TENM1: variants seen among roughly 807,000 people sequenced by gnomAD.
The protein encoded by TENM1 is teneurin transmembrane protein 1, also known as teneurin-1.
Under a neutral mutation model 174.8 loss-of-function variants are expected in TENM1, and 35 were observed. The observed-to-expected ratio is 0.20, with a 90% CI of 0.15 to 0.27. The LOEUF is 0.27. Among genes scored for constraint, TENM1 ranks in the 10% least tolerant of loss-of-function variants. The pLI is 1.00. For missense variants in TENM1, 1,633 were observed against 2,130.1 expected, an observed-to-expected ratio of 0.77 and a Z score of 4.59; for synonymous variants, 781 against 798.7, an observed-to-expected ratio of 0.98 and a Z score of 0.37.
At chrX:124,795,201 T>C (rs891115545) in intron 3 of TENM1, among the ~76,000 whole-genome samples, 8 of 112,334 alleles carry the variant, frequency 7.1e-5, no homozygotes, top group Non-Finnish European at 1.1e-4. Context: ...CTCAAATATA[T>C]ACTGAATACA....
At chrX:124,881,435 A>G (rs374723926) in intron 3 of TENM1, among the ~76,000 whole-genome samples, 130 of 109,575 alleles carry the variant, frequency 1.2e-3, no homozygotes, top group African/African-American at 4.2e-3. Context: ...TTTTTGGTTA[A>G]TGGTTTATTG....
rs1177343517 is a variant in TENM1, at chrX:124,758,070, A to G, written c.536-20873T>C. Among the ~76,000 whole-genome samples the G allele has an allele frequency of 5.4e-5, 6 of 112,127 alleles. No homozygotes were observed. The East Asian group carries it at 1.7e-3, about 31-fold the overall frequency. Reference sequence around the variant, plus strand: ...AATCAAAAGAGTGAAAAGACAACCTATGAAATGGGAGAAAATATTTGCAAA... The same window carrying G: ...AATCAAAAGAGTGAAAAGACAACCTGTGAAATGGGAGAAAATATTTGCAAA... On this transcript the variant is annotated intron_variant, in intron 3 of 31. Transcript: ENST00000422452.
At chrX:124,692,535 T>C (rs370829383) in intron 5 of TENM1, among the ~76,000 whole-genome samples, 23 of 109,984 alleles carry the variant, frequency 2.1e-4, no homozygotes, top group African/African-American at 6.9e-4. Flanking sequence ...TACTATGTTT[T>C]TGTCCACCTG....
At chrX:124,894,374 T>C in intron 2 of TENM1, 22 bp from the exon 6 acceptor site, 3 of 1,137,839 alleles carry the variant, frequency 2.6e-6, no homozygotes, top group Non-Finnish European at 3.6e-6. Context: ...AACATTTCAC[T>C]AGTTAAGCCT....
At chrX:124,427,727 C>T (rs1569531116) in intron 23 of TENM1, among the ~76,000 whole-genome samples, 2 of 112,009 alleles carry the variant, frequency 1.8e-5, no homozygotes, top group Non-Finnish European at 1.9e-5. Context: ...GCCTTATGCT[C>T]ACACAACAGA....
At chrX:124,866,786 T>A (rs1006806345) in intron 3 of TENM1, among the ~76,000 whole-genome samples, 3 of 110,661 alleles carry the variant, frequency 2.7e-5, no homozygotes, top group African/African-American at 9.8e-5. Flanking sequence ...ACGATCCAAA[T>A]AAATAAAATC....
chrX:124,846,908 A>T (rs890086436), intron 3 of TENM1, among the ~76,000 whole-genome samples: 2 of 111,639 alleles, frequency 1.8e-5, no homozygotes, highest in African/African-American at 6.5e-5. Context: ...AGGAATTAAA[A>T]TTTTCATCAA....
At position 124,794,844 on chromosome X, in the gene TENM1, G is replaced by T. The variant is rs776418058; in HGVS notation, c.536-57647C>A. On this transcript the variant is annotated intron_variant, in intron 3 of 31. Transcript: ENST00000422452. ...AGTCTATCACATTTTTGACACACGG[G>T]TCTGGTTGCATTTCTTAGATGGGGT... Among the ~76,000 whole-genome samples the T allele has an allele frequency of 1.5e-4, 17 of 110,955 alleles. 1 individual carries two copies. The highest frequency in any genetic ancestry group is 5.6e-4 in the African/African-American group (17 of 30,569).
At chrX:125,060,726 G>A in the TENM1 span, among the ~76,000 whole-genome samples, 1 of 109,894 alleles carries the variant, frequency 9.1e-6, no homozygotes, top group African/African-American at 3.3e-5. Flanking sequence ...ATACTCACGA[G>A]GCAGCTTATA....
intron 11 of TENM1, among the ~76,000 whole-genome samples, chrX:124,584,866 A>C (rs1286074325): frequency 2.7e-5 from 3 of 110,498 alleles, no homozygotes; most frequent in Non-Finnish European, 5.7e-5. Context: ...GGAAAACAAA[A>C]AAAGGCAGGG....
rs113506631 is a variant in TENM1 at position 124,596,233 on chromosome X, T to C, written c.2078-30673A>G. 2.0e-3 allele frequency among the ~76,000 whole-genome samples: 222 copies of C among 112,349 alleles called. 1 individual carries two copies. Among genetic ancestry groups the C allele is most frequent in the African/African-American group, 6.8e-3 (210 of 31,045 alleles). Reference sequence around the variant, plus strand: ...GAGAAAAAAAAATTGTTTGCCTATATTTCTGTAAACCCCAAATATATGAGT... The same window carrying C: ...GAGAAAAAAAAATTGTTTGCCTATACTTCTGTAAACCCCAAATATATGAGT... On this transcript the variant is annotated intron_variant, in intron 11 of 31. Transcript: ENST00000422452.
chrX:124,879,490 G>A (rs1487634369), intron 3 of TENM1, among the ~76,000 whole-genome samples: 1 of 111,820 alleles, frequency 8.9e-6, no homozygotes, highest in Non-Finnish European at 1.9e-5. Context: ...TCATATATAT[G>A]TACCACATTT....
chrX:124,834,399 T>G (rs2147340654), intron 3 of TENM1, among the ~76,000 whole-genome samples: 1 of 111,980 alleles, frequency 8.9e-6, no homozygotes, highest in Admixed American at 9.4e-5. Flanking sequence ...CTCAAACTCC[T>G]GAGCTCAAAG....
the TENM1 span, among the ~76,000 whole-genome samples, chrX:125,007,048 G>A: frequency 1.8e-5 from 2 of 111,822 alleles, no homozygotes; most frequent in African/African-American, 6.5e-5. Flanking sequence ...GAAAGAAGTA[G>A]GCTTCAGAAG....
At chrX:124,657,921 A>G (rs1793026869) in intron 6 of TENM1, among the ~76,000 whole-genome samples, 1 of 112,401 alleles carries the variant, frequency 8.9e-6, no homozygotes, top group Admixed American at 9.4e-5. Context: ...ACATGCTCAA[A>G]ATCTTTAAAA....
the TENM1 span, among the ~76,000 whole-genome samples, chrX:125,014,072 T>C: frequency 2.7e-5 from 3 of 111,501 alleles, no homozygotes; most frequent in Non-Finnish European, 5.7e-5. Flanking sequence ...AATAGACTCC[T>C]GAGGCACAGA....
chrX:124,787,890 G>A (rs1046938283), intron 3 of TENM1, among the ~76,000 whole-genome samples: 43 of 111,838 alleles, frequency 3.8e-4, no homozygotes, highest in African/African-American at 1.4e-3. Context: ...CCTGAGACTG[G>A]ACAATTTACA....
intron 11 of TENM1, among the ~76,000 whole-genome samples, chrX:124,577,221 G>A (rs2049188329): frequency 9.0e-6 from 1 of 111,331 alleles, no homozygotes; most frequent in African/African-American, 3.3e-5. Context: ...GTAGGCTTCT[G>A]CATCCTGAAT....
chrX:124,451,249 T>A (rs979610101), intron 23 of TENM1, among the ~76,000 whole-genome samples: 2 of 110,427 alleles, frequency 1.8e-5, no homozygotes, highest in Non-Finnish European at 3.8e-5. Context: ...AGATGAGAGC[T>A]ACACTGAATT....
Sources: gnomAD v4.1 joint callset for allele counts (sites outside exome capture counted in the v4.1 genomes callset) on GRCh38, gnomAD v4.1.1 for gene constraint, MANE v1.5 for transcripts, NCBI Gene and HGNC (gene_info 2026-07-23, HGNC 2026-07-21) for gene names.